Variants in LRRFIP1 observed in about 807,000 individuals in gnomAD.
The protein encoded by LRRFIP1 is leucine-rich repeat flightless-interacting protein 1.
A neutral mutation model predicts 104.4 loss-of-function variants in LRRFIP1; 62 were observed. The ratio of observed to expected loss-of-function variants is 0.59; its 90% CI spans 0.48 to 0.73. The LOEUF is 0.73. Among genes scored for constraint, LRRFIP1 ranks in the 30% least tolerant of loss-of-function variants. The pLI, the probability that LRRFIP1 is intolerant of heterozygous loss-of-function variation, is 0.00. For synonymous variants in LRRFIP1, 300 were observed against 299.0 expected, an observed-to-expected ratio of 1.00 and a Z score of -0.03; for missense variants, 796 against 824.5, an observed-to-expected ratio of 0.97 and a Z score of 0.42.
At chr2:237,645,391 C>G (rs34494112) in intron 1 of LRRFIP1, among the ~76,000 whole-genome samples, 27,773 of 149,152 alleles carry the variant, frequency 0.19, 3,053 homozygotes, top group African/African-American at 0.22. Flanking sequence ...CTGCTGAGCC[C>G]TGGTCTCACA....
intron 11 of LRRFIP1, among the ~76,000 whole-genome samples, chr2:237,745,168 G>C (rs560589716): frequency 1.3e-5 from 2 of 152,226 alleles, no homozygotes; most frequent in Non-Finnish European, 2.9e-5. Flanking sequence ...GTCCGGGCCC[G>C]GCCCCTGCAG....
chr2:237,721,726 GA>G (rs1311022866), intron 6 of LRRFIP1: 3 of 152,218 alleles, frequency 2.0e-5, no homozygotes, highest in African/African-American at 7.2e-5. Context: ...CCTTCCCAAT[GA>G]TAAAATGCAG....
intron 1 of LRRFIP1, among the ~76,000 whole-genome samples, chr2:237,646,166 A>G (rs988244446): frequency 6.6e-6 from 1 of 151,978 alleles, no homozygotes; most frequent in Non-Finnish European, 1.5e-5. Context: ...CGCAGGAACA[A>G]TTATTGTCAT....
chr2:237,695,758 T>G (rs1575558312), intron 1 of LRRFIP1, among the ~76,000 whole-genome samples: 2 of 144,100 alleles, frequency 1.4e-5, no homozygotes, highest in South Asian at 4.4e-4. Flanking sequence ...TTGTTTTTTG[T>G]TTTTTTTTTT....
Position 237,772,115 on chromosome 2 carries a change from A to G in LRRFIP1, c.1544A>G (p.Gln515Arg), listed in dbSNP as rs746565291. 26 of 1,613,948 alleles carry G rather than the reference A, an allele frequency of 1.6e-5. No individual in the cohort carries two copies. In the East Asian group the frequency reaches 5.8e-4, roughly 36 times the overall value. The stretch of plus-strand genomic sequence containing the variant: ...CTCAAAGGGCAGCTGGAGGAGAGAC[A>G]GAAGATTGGCAAACTAGACAATCTT... ...KKLKGQLEER[Q>R]KIGKLDNLRS... The change falls in exon 21 of 24, where the codon CAG becomes CGG. Residue 515 changes from glutamine to arginine, a missense_variant. Coordinates refer to ENST00000308482, the MANE Select transcript of LRRFIP1 (RefSeq NM_001137550.2).
intron 19 of LRRFIP1, chr2:237,764,805 CATT>C (rs1477083944): frequency 2.0e-6 from 2 of 985,630 alleles, no homozygotes; most frequent in African/African-American, 1.7e-5. Flanking sequence ...TTTTGGATCT[CATT>C]GTTGATATAC....
At chr2:237,751,157 G>A (rs1559784246) in intron 13 of LRRFIP1, 43 bp from the exon 14 acceptor site, 2 of 1,394,552 alleles carry the variant, frequency 1.4e-6, no homozygotes, top group South Asian at 1.2e-5. Flanking sequence ...GGAATCACCT[G>A]TTTTCCCTTG....
At position 237,717,625 on chromosome 2, in the gene LRRFIP1, C is replaced by A; in HGVS notation, c.202-137C>A. The stretch of plus-strand genomic sequence containing the variant: ...GTGGAGAAGCCAGGCCTGGTGCCGA[C>A]TGCTTTGCCTTGGCGTGTTACCTTC... On this transcript the variant is annotated intron_variant, in intron 3 of 23. Coordinates refer to ENST00000308482, the MANE Select transcript of LRRFIP1 (RefSeq NM_001137550.2). This position sits in a 1 kb window ranked among gnomAD's most constrained non-coding sequence, Gnocchi z 4.2. 1.3e-6 allele frequency: 1 copy of A among 757,608 alleles called. No individual in the cohort carries two copies. Among genetic ancestry groups the A allele is most frequent in the Non-Finnish European group, 2.4e-6 (1 of 412,760 alleles). 46.9% of individuals were successfully genotyped at this position (757,608 alleles called of 1,614,324 possible). A position where few individuals can be genotyped will look rare whatever the true frequency, so the allele number is the denominator to read the frequency against.
At chr2:237,631,551 G>A (rs966745831) in intron 1 of LRRFIP1, among the ~76,000 whole-genome samples, 1 of 152,188 alleles carries the variant, frequency 6.6e-6, no homozygotes, top group Non-Finnish European at 1.5e-5. Flanking sequence ...GGTTTAGTAC[G>A]CACTTGCAGA....
intron 1 of LRRFIP1, among the ~76,000 whole-genome samples, chr2:237,686,397 C>T (rs774404869): frequency 7.2e-5 from 11 of 152,192 alleles, no homozygotes; most frequent in Non-Finnish European, 1.0e-4. Flanking sequence ...AGTTTCTATT[C>T]CCAATTGCTA....
intron 1 of LRRFIP1, among the ~76,000 whole-genome samples, chr2:237,664,252 G>A (rs941648339): frequency 1.3e-5 from 2 of 152,258 alleles, no homozygotes; most frequent in Non-Finnish European, 2.9e-5. Context: ...GGGGGCCCAA[G>A]CCAGGGAGAT....
chr2:237,647,977 G>A (rs559739144), intron 1 of LRRFIP1, among the ~76,000 whole-genome samples: 1 of 152,212 alleles, frequency 6.6e-6, no homozygotes, highest in South Asian at 2.1e-4. Context: ...CAGAATCTGG[G>A]GGAAGAACTT....
rs973267108 is a variant in LRRFIP1, at chr2:237,691,799, G to A, written c.97-16745G>A. 2.0e-5 allele frequency among the ~76,000 whole-genome samples: 3 copies of A among 152,306 alleles called. No individual in the cohort carries two copies. The highest frequency in any genetic ancestry group is 1.3e-4 in the Admixed American group (2 of 15,308). The stretch of plus-strand genomic sequence containing the variant: ...GGGTGGAGCTGCGGCCGGAGCCTGA[G>A]GGGTCTTTTCCTCCAGGTCCTCTTT... On this transcript the variant is annotated intron_variant, in intron 1 of 23. Transcript: ENST00000308482. This position sits in a 1 kb window ranked among gnomAD's most constrained non-coding sequence, Gnocchi z 5.4.
chr2:237,687,282 A>G (rs1559544397), intron 1 of LRRFIP1, among the ~76,000 whole-genome samples: 1 of 152,188 alleles, frequency 6.6e-6, no homozygotes. Context: ...CCACACGTAT[A>G]ACAGATGTGT....
intron 20 of LRRFIP1, 63 bp downstream of exon 20, chr2:237,770,055 C>A: frequency 1.5e-6 from 2 of 1,338,034 alleles, no homozygotes; most frequent in South Asian, 2.5e-5. Context: ...CCTGCCCATC[C>A]TTCCTTCTTG....
chr2:237,774,480 T>C lies in LRRFIP1; in HGVS notation c.1812+18T>C. On this transcript the variant is annotated intron_variant, in intron 23 of 23. Transcript: ENST00000308482. Reference sequence around the variant, plus strand: ...AAAGAGAGGTAAATTTCCTAGGCAATTTCTAGGAAGAGAATGGCTGCCAGT... The same window carrying C: ...AAAGAGAGGTAAATTTCCTAGGCAACTTCTAGGAAGAGAATGGCTGCCAGT... The C allele has an allele frequency of 6.5e-7, 1 of 1,531,038 alleles. No individual in the cohort carries two copies. The highest frequency in any genetic ancestry group is 9.0e-7 in the Non-Finnish European group (1 of 1,107,184). The allele number at this position is 1,531,038 out of a possible 1,614,324, so 94.8% of individuals were successfully genotyped here. A position where few individuals can be genotyped will look rare whatever the true frequency, so the allele number is the denominator to read the frequency against.
At chr2:237,736,739 C>T (rs1003441661) in intron 10 of LRRFIP1, among the ~76,000 whole-genome samples, 2 of 152,182 alleles carry the variant, frequency 1.3e-5, no homozygotes, top group African/African-American at 4.8e-5. Context: ...GTCATCTTGT[C>T]CTGACAGCAC....
intron 1 of LRRFIP1, among the ~76,000 whole-genome samples, chr2:237,662,432 A>G (rs1445110778): frequency 2.6e-5 from 4 of 152,138 alleles, no homozygotes; most frequent in Non-Finnish European, 5.9e-5. Flanking sequence ...CATCACGTAT[A>G]TGATTTTATT....
chr2:237,736,647 C>G (rs2095257655), intron 10 of LRRFIP1, among the ~76,000 whole-genome samples: 1 of 152,204 alleles, frequency 6.6e-6, no homozygotes, highest in Non-Finnish European at 1.5e-5. Flanking sequence ...CATTGCTCTT[C>G]TGCGAGCAGT....
Sources: gnomAD v4.1 joint callset for allele counts (sites outside exome capture counted in the v4.1 genomes callset) on GRCh38, gnomAD v4.1.1 for gene constraint, Gnocchi (gnomAD v3.1) non-coding constraint, MANE v1.5 for transcripts, NCBI Gene and HGNC (gene_info 2026-07-23, HGNC 2026-07-21) for gene names.